The following CPEB3 variants were observed in gnomAD, a reference collection of about 807,000 sequenced individuals.
CPEB3 encodes the protein cytoplasmic polyadenylation element binding protein 3.
A neutral mutation model predicts 67.2 loss-of-function variants in CPEB3; 20 were observed. The observed-to-expected ratio is 0.30, with a 90% CI of 0.21 to 0.43. CPEB3 has a LOEUF of 0.43. Ranked by LOEUF, CPEB3 falls within the 20% of genes least tolerant of loss-of-function variation. CPEB3 has a pLI of 1.00. For synonymous variants in CPEB3, 376 were observed against 393.1 expected (o/e 0.96, Z 0.51); for missense variants, 746 against 968.6 (o/e 0.77, Z 3.05).
chr10:92,235,142 G>C (rs1212356779), intron 2 of CPEB3, among the ~76,000 whole-genome samples: 1 of 152,056 alleles, frequency 6.6e-6, no homozygotes, highest in Non-Finnish European at 1.5e-5. Flanking sequence ...AGAACAAATG[G>C]CATTACACTG....
At chr10:92,118,596 G>C (rs558130356) in intron 6 of CPEB3, 1 of 380,084 alleles carries the variant, frequency 2.6e-6, no homozygotes, top group Admixed American at 3.5e-5. Context: ...AAAAAGCCTA[G>C]GGAACTGTCT....
chr10:92,131,874 G>C (rs992879956), intron 6 of CPEB3, among the ~76,000 whole-genome samples: 1 of 152,134 alleles, frequency 6.6e-6, no homozygotes, highest in African/African-American at 2.4e-5. Context: ...CAGGTAGTTT[G>C]TTGACCCTTG....
chr10:92,227,174 G>A (rs1013065296), intron 2 of CPEB3, among the ~76,000 whole-genome samples: 4 of 152,088 alleles, frequency 2.6e-5, no homozygotes, highest in Admixed American at 2.6e-4. Context: ...TTACCTCTGT[G>A]GTCTGAGGTA....
At chr10:92,054,641 C>G (rs932336967) in intron 9 of CPEB3, among the ~76,000 whole-genome samples, 1 of 152,060 alleles carries the variant, frequency 6.6e-6, no homozygotes, top group Non-Finnish European at 1.5e-5. Context: ...GGGGTTTCAC[C>G]GTGTTGGCCA....
chr10:92,072,924 A>G (rs1356558602), intron 9 of CPEB3, among the ~76,000 whole-genome samples: 3 of 152,122 alleles, frequency 2.0e-5, no homozygotes, highest in Admixed American at 6.5e-5. Context: ...GGGACAAATT[A>G]CCAATCAGCC....
At chr10:92,078,753 C>T (rs572167293) in intron 9 of CPEB3, among the ~76,000 whole-genome samples, 1 of 152,144 alleles carries the variant, frequency 6.6e-6, no homozygotes, top group Non-Finnish European at 1.5e-5. Context: ...AAAGCCATTT[C>T]TCTCCTTTTT....
rs74973481 is a variant in CPEB3, at chr10:92,256,264, T to G, written c.-11-15903A>C. On this transcript the variant is annotated intron_variant, in intron 1 of 9. Coordinates refer to ENST00000265997, the MANE Select transcript of CPEB3 (RefSeq NM_014912.5). ...TCTCCTAATGTCTCTCATCTAGTAT[T>G]CTTCCAAATGTGGCCTCCATACTAA... is the stretch of plus-strand genomic sequence containing the variant. Among the ~76,000 whole-genome samples the G allele has an allele frequency of 2.1e-3, 323 of 152,220 alleles. 12 individuals are homozygous for G. The East Asian group carries it at 0.056, about 26-fold the overall frequency.
At position 92,239,281 on chromosome 10, in the gene CPEB3, A is replaced by C. The variant is rs1470625839; in HGVS notation, c.1005+65T>G. On this transcript the variant is annotated intron_variant, in intron 2 of 9. Coordinates refer to ENST00000265997, the MANE Select transcript of CPEB3 (RefSeq NM_014912.5). The surrounding 1 kb of genome is among the most constrained non-coding windows in gnomAD (Gnocchi z 6.0). ...AAATATAAGCGGGTGGATGATTAAA[A>C]GTCAGAGAAGTGGCAAAAGGAGCGG... The C allele has an allele frequency of 6.5e-7, 1 of 1,526,802 alleles. No homozygotes were observed. Among genetic ancestry groups the C allele is most frequent in the East Asian group, 2.4e-5 (1 of 42,010 alleles). 94.6% of individuals were successfully genotyped at this position (1,526,802 alleles called of 1,614,324 possible). A position where few individuals can be genotyped will look rare whatever the true frequency, so the allele number is the denominator to read the frequency against.
At chr10:92,114,849 T>C (rs1049113856) in intron 6 of CPEB3, among the ~76,000 whole-genome samples, 4 of 152,212 alleles carry the variant, frequency 2.6e-5, no homozygotes, top group Admixed American at 2.6e-4. Context: ...AGATAACGTA[T>C]AAAAAGGTGT....
intron 2 of CPEB3, among the ~76,000 whole-genome samples, chr10:92,207,215 T>G (rs1849834327): frequency 6.6e-6 from 1 of 152,128 alleles, no homozygotes. Flanking sequence ...TCTCCTGGGC[T>G]CAAGCAATCT....
At chr10:92,203,572 C>G (rs528521755) in intron 2 of CPEB3, among the ~76,000 whole-genome samples, 1 of 149,374 alleles carries the variant, frequency 6.7e-6, no homozygotes, top group Non-Finnish European at 1.5e-5. Context: ...AGCCTGCCAC[C>G]ATGCCTGGCT....
chr10:92,142,029 C>CAAAAAAA (rs1846455662), intron 6 of CPEB3, among the ~76,000 whole-genome samples: 1 of 124,046 alleles, frequency 8.1e-6, no homozygotes, highest in Non-Finnish European at 1.7e-5. Context: ...AAAAAAAAAA[C>CAAAAAAA]AAATAAAAAC....
chr10:92,152,641 T>C (rs1055162901), intron 4 of CPEB3, among the ~76,000 whole-genome samples: 2 of 152,186 alleles, frequency 1.3e-5, no homozygotes, highest in African/African-American at 4.8e-5. Context: ...ATGGATATAT[T>C]GGTGTTCATT....
At chr10:92,228,445 C>T (rs1851092011) in intron 2 of CPEB3, among the ~76,000 whole-genome samples, 1 of 152,150 alleles carries the variant, frequency 6.6e-6, no homozygotes, top group African/African-American at 2.4e-5. Flanking sequence ...ACATTTACCT[C>T]TCGTCTCCTT....
chr10:92,289,097 G>A (rs1842670633), intron 1 of CPEB3, among the ~76,000 whole-genome samples: 2 of 151,880 alleles, frequency 1.3e-5, no homozygotes, highest in African/African-American at 4.8e-5. Context: ...ACAAAAGTTA[G>A]CCAGGCATGG....
At position 92,154,351 on chromosome 10, in the gene CPEB3, T is replaced by A. The variant is rs1202238947; in HGVS notation, c.1223-9266A>T. 3.4e-5 allele frequency among the ~76,000 whole-genome samples: 5 copies of A among 145,292 alleles called. No homozygotes were observed. The Admixed American group carries it at 3.5e-4, about 10-fold the overall frequency. Reference sequence around the variant, plus strand: ...AATGGGAAATATAATTGGGTATTTTTAAACTATATGTAATTGATATTTATT... The same window carrying A: ...AATGGGAAATATAATTGGGTATTTTAAAACTATATGTAATTGATATTTATT... On this transcript the variant is annotated intron_variant, in intron 4 of 9. Coordinates refer to ENST00000265997, the MANE Select transcript of CPEB3 (RefSeq NM_014912.5).
chr10:92,163,529 T>C (rs997724642), intron 4 of CPEB3, among the ~76,000 whole-genome samples: 1 of 152,194 alleles, frequency 6.6e-6, no homozygotes, highest in Non-Finnish European at 1.5e-5. Context: ...TATTCAAACA[T>C]CTAATGTTCC....
chr10:92,283,726 T>TC (rs917627433), intron 1 of CPEB3, among the ~76,000 whole-genome samples: 18 of 134,666 alleles, frequency 1.3e-4, no homozygotes, highest in Non-Finnish European at 2.0e-4. Context: ...TTCTTTCTTT[T>TC]TTTTTTTTTT....
chr10:92,279,270 A>G (rs1479531562), intron 1 of CPEB3, among the ~76,000 whole-genome samples: 1 of 152,184 alleles, frequency 6.6e-6, no homozygotes, highest in Non-Finnish European at 1.5e-5. Flanking sequence ...AATTGGAAAT[A>G]ACAGATCAGT....
Sources: gnomAD v4.1 joint callset for allele counts (sites outside exome capture counted in the v4.1 genomes callset) on GRCh38, gnomAD v4.1.1 for gene constraint, Gnocchi (gnomAD v3.1) non-coding constraint, MANE v1.5 for transcripts, NCBI Gene and HGNC (gene_info 2026-07-23, HGNC 2026-07-21) for gene names.